Variants in MTUS2 observed in about 807,000 individuals in gnomAD.
MTUS2 encodes the protein microtubule associated scaffold protein 2.
In MTUS2, 40 loss-of-function variants were observed where a neutral mutation model predicts 114.1. That is an observed-to-expected ratio of 0.35 (90% CI 0.27 to 0.46). The LOEUF (loss-of-function observed/expected upper bound fraction) is 0.46, where lower values mean the gene tolerates loss of function less well. MTUS2 is among the 20% of genes least tolerant of loss of function. The probability of loss-of-function intolerance (pLI) is 1.00; values close to 1 mark genes in which losing one functional copy is unlikely to be tolerated. For missense variants in MTUS2, 1,679 were observed against 1,705.4 expected (o/e 0.98, Z 0.27); for synonymous variants, 688 against 672.0 (o/e 1.02, Z -0.37).
At chr13:29,249,082 G>C (rs937411342) in intron 5 of MTUS2, among the ~76,000 whole-genome samples, 1 of 152,166 alleles carries the variant, frequency 6.6e-6, no homozygotes, top group African/African-American at 2.4e-5. Context: ...CTGACTCCCA[G>C]CTTCCAGCAA....
rs576847139 is a variant in MTUS2, at chr13:28,877,133, C to CA, written c.-243+37295dup. Among the ~76,000 whole-genome samples the CA allele has an allele frequency of 7.7e-3, 937 of 122,136 alleles. 7 individuals carry two copies. Among genetic ancestry groups the CA allele is most frequent in the African/African-American group, 0.022 (761 of 35,320 alleles). 80.1% of individuals were successfully genotyped at this position (122,136 alleles called of 152,430 possible). On this transcript the variant is annotated intron_variant, in intron 2 of 15. Transcript: ENST00000612955. The stretch of plus-strand genomic sequence containing the variant: ...TGAAACCCCGTCTCTACTAAAAATA[C>CA]AAAAAAAAAAAACAACAAAAAAATA...
chr13:29,309,397 A>G (rs1179181087), intron 6 of MTUS2, among the ~76,000 whole-genome samples: 2 of 152,084 alleles, frequency 1.3e-5, no homozygotes, highest in African/African-American at 2.4e-5. Context: ...ACATGGATAC[A>G]TGATGGGGTC....
chr13:29,043,557 A>C (rs1157446439), intron 4 of MTUS2, among the ~76,000 whole-genome samples: 1 of 150,260 alleles, frequency 6.7e-6, no homozygotes, highest in Non-Finnish European at 1.5e-5. Flanking sequence ...ATTTTATTGC[A>C]GTCTATGTCA....
chr13:29,041,145 A>G (rs1054747206), intron 4 of MTUS2, among the ~76,000 whole-genome samples: 3 of 152,154 alleles, frequency 2.0e-5, no homozygotes, highest in African/African-American at 4.8e-5. Flanking sequence ...AATGTGAGAG[A>G]TGAAGGTCCA....
intron 5 of MTUS2, among the ~76,000 whole-genome samples, chr13:29,245,694 A>ATTTTTTTT (rs34670074): frequency 8.0e-6 from 1 of 125,580 alleles, no homozygotes; most frequent in African/African-American, 3.0e-5. Flanking sequence ...ATCTATTTTA[A>ATTTTTTTT]TTTTTTTTTT....
At position 29,147,587 on chromosome 13, in the gene MTUS2, C is replaced by G. The variant is rs115212340; in HGVS notation, c.2644+46617C>G. Among the ~76,000 whole-genome samples the G allele has an allele frequency of 8.3e-4, 126 of 152,168 alleles. 1 individual carries two copies. The highest frequency in any genetic ancestry group is 2.9e-3 in the African/African-American group (120 of 41,520). ...GTAGTTTTTCAACCATTTCCCTTCT[C>G]TCTCTCTCCCCGCTGTACTAGTCCC... On this transcript the variant is annotated intron_variant, in intron 5 of 15. Coordinates refer to ENST00000612955, the MANE Select transcript of MTUS2 (RefSeq NM_001033602.4).
intron 2 of MTUS2, among the ~76,000 whole-genome samples, chr13:28,875,983 G>A (rs544251230): frequency 6.6e-6 from 1 of 152,346 alleles, no homozygotes; most frequent in East Asian, 1.9e-4. Flanking sequence ...TCCTGCAGCT[G>A]CCTGCACACC....
intron 4 of MTUS2, among the ~76,000 whole-genome samples, chr13:29,054,300 A>T (rs908373958): frequency 1.3e-5 from 2 of 152,132 alleles, no homozygotes; most frequent in Non-Finnish European, 2.9e-5. Context: ...AGGGATATTT[A>T]TATATTCTAA....
At chr13:29,217,967 A>C (rs564505256) in intron 5 of MTUS2, among the ~76,000 whole-genome samples, 1 of 152,244 alleles carries the variant, frequency 6.6e-6, no homozygotes, top group East Asian at 1.9e-4. Flanking sequence ...AGAAATTTTA[A>C]AAATTAGCTG....
At chr13:29,408,154 T>C (rs933130048) in intron 8 of MTUS2, among the ~76,000 whole-genome samples, 2 of 152,208 alleles carry the variant, frequency 1.3e-5, no homozygotes, top group Non-Finnish European at 2.9e-5. Context: ...GTGTCTTTTC[T>C]AAACTAAACT....
Position 29,269,428 on chromosome 13 carries a change from G to A in MTUS2, c.2645-12276G>A, listed in dbSNP as rs575182355. Among the ~76,000 whole-genome samples the A allele has an allele frequency of 1.4e-3, 211 of 152,136 alleles. 1 individual carries two copies. Among genetic ancestry groups the A allele is most frequent in the African/African-American group, 4.8e-3 (198 of 41,506 alleles). On this transcript the variant is annotated intron_variant, in intron 5 of 15. Transcript: ENST00000612955. ...TAAAAAAATAGATAAGGAAATCATG[G>A]GAAGAAATAACAAAGGTAAGAAAAT...
intron 9 of MTUS2, among the ~76,000 whole-genome samples, chr13:29,443,373 G>C (rs902895911): frequency 3.9e-5 from 6 of 152,200 alleles, no homozygotes; most frequent in Non-Finnish European, 2.9e-5. Context: ...CAAGTGCAAG[G>C]CTGCTTCTCT....
intron 4 of MTUS2, among the ~76,000 whole-genome samples, chr13:29,087,606 G>T (rs1889748453): frequency 1.3e-5 from 2 of 152,068 alleles, no homozygotes; most frequent in Non-Finnish European, 2.9e-5. Context: ...TGGAATTTTA[G>T]AATACGTTTT....
chr13:28,848,759 T>G (rs999374838), intron 2 of MTUS2, among the ~76,000 whole-genome samples: 1 of 152,184 alleles, frequency 6.6e-6, no homozygotes, highest in African/African-American at 2.4e-5. Flanking sequence ...TCGAATGGTC[T>G]CGATGTCAAC....
At chr13:28,945,093 T>C (rs749018464) in intron 2 of MTUS2, among the ~76,000 whole-genome samples, 21 of 152,174 alleles carry the variant, frequency 1.4e-4, no homozygotes, top group African/African-American at 4.8e-4. Context: ...TGTTTCTGAA[T>C]TATTTCACTT....
intron 5 of MTUS2, among the ~76,000 whole-genome samples, chr13:29,235,217 C>T (rs1256534469): frequency 6.6e-6 from 1 of 152,116 alleles, no homozygotes; most frequent in Non-Finnish European, 1.5e-5. Context: ...CTGCCTCAGC[C>T]TTCCGAGTAG....
At chr13:29,204,225 T>C (rs1193282477) in intron 5 of MTUS2, among the ~76,000 whole-genome samples, 1 of 152,200 alleles carries the variant, frequency 6.6e-6, no homozygotes, top group African/African-American at 2.4e-5. Context: ...CCCAAAGTGT[T>C]AGGATTACAG....
intron 3 of MTUS2, among the ~76,000 whole-genome samples, chr13:29,033,198 A>G (rs1886905897): frequency 6.6e-6 from 1 of 152,200 alleles, no homozygotes; most frequent in South Asian, 2.1e-4. Context: ...GGTTGATGAG[A>G]TTGTGCCCTA....
intron 4 of MTUS2, among the ~76,000 whole-genome samples, chr13:29,048,709 G>A (rs1403743283): frequency 1.3e-5 from 2 of 152,006 alleles, no homozygotes; most frequent in Non-Finnish European, 2.9e-5. Context: ...GGCTCAAGCA[G>A]TCCTCTTGCC....
Sources: allele counts gnomAD v4.1 joint callset (sites outside exome capture counted in the v4.1 genomes callset), GRCh38; gene constraint gnomAD v4.1.1; transcripts MANE v1.5; gene names NCBI Gene and HGNC (gene_info 2026-07-23, HGNC 2026-07-21).